Variants in PRKCA observed in about 807,000 individuals in gnomAD.
The protein encoded by PRKCA is protein kinase C alpha type.
A neutral mutation model predicts 87.0 loss-of-function variants in PRKCA; 27 were observed. The ratio of observed to expected loss-of-function variants is 0.31; its 90% CI spans 0.23 to 0.43. The LOEUF (loss-of-function observed/expected upper bound fraction) is 0.43. PRKCA is among the 20% of genes least tolerant of loss of function. The pLI is 1.00. For missense variants in PRKCA, 518 were observed against 852.3 expected, an observed-to-expected ratio of 0.61 and a Z score of 4.88; for synonymous variants, 329 against 311.1, an observed-to-expected ratio of 1.06 and a Z score of -0.61.
intron 3 of PRKCA, among the ~76,000 whole-genome samples, chr17:66,568,394 C>G (rs1011755858): frequency 1.3e-5 from 2 of 152,150 alleles, no homozygotes; most frequent in Admixed American, 1.3e-4. Flanking sequence ...TTTCCACCAG[C>G]TTGTTCTGGG....
intron 2 of PRKCA, among the ~76,000 whole-genome samples, chr17:66,458,474 C>G (rs1914678859): frequency 8.6e-6 from 1 of 116,758 alleles, no homozygotes; most frequent in South Asian, 2.9e-4. Context: ...TCTTTTTTAT[C>G]TCTTTATTTT....
At chr17:66,577,825 GAGGA>G (rs1969287519) in intron 3 of PRKCA, among the ~76,000 whole-genome samples, 1 of 152,138 alleles carries the variant, frequency 6.6e-6, no homozygotes. Context: ...ACACTGGAGT[GAGGA>G]CGGGGTAGTG....
intron 16 of PRKCA, chr17:66,796,963 A>G (rs1272628524): frequency 2.0e-6 from 2 of 985,166 alleles, no homozygotes; most frequent in Non-Finnish European, 2.4e-6. Context: ...TTTGTTCTGC[A>G]TCTTTCCTCT....
intron 3 of PRKCA, among the ~76,000 whole-genome samples, chr17:66,592,777 CG>C (rs1290339831): frequency 6.6e-6 from 1 of 151,598 alleles, no homozygotes. Flanking sequence ...CAAAAAACAT[CG>C]ATTCATTTTT....
intron 2 of PRKCA, among the ~76,000 whole-genome samples, chr17:66,357,487 A>G (rs1020395060): frequency 9.8e-5 from 15 of 152,322 alleles, no homozygotes; most frequent in South Asian, 4.1e-4. Flanking sequence ...CGAATGCATT[A>G]TGATCATTAT....
chr17:66,495,707 T>G, intron 2 of PRKCA, among the ~76,000 whole-genome samples: 1 of 151,558 alleles, frequency 6.6e-6, no homozygotes, highest in South Asian at 2.1e-4. Flanking sequence ...CGCCCATCAC[T>G]ATGGCCAGCT....
chr17:66,380,841 C>G (rs955310990), intron 2 of PRKCA, among the ~76,000 whole-genome samples: 1 of 151,918 alleles, frequency 6.6e-6, no homozygotes, highest in Non-Finnish European at 1.5e-5. Context: ...TGTGAATGCA[C>G]CCAAAATAAA....
intron 5 of PRKCA, among the ~76,000 whole-genome samples, chr17:66,664,352 C>T (rs950676189): frequency 1.3e-5 from 2 of 152,182 alleles, no homozygotes; most frequent in Non-Finnish European, 2.9e-5. Flanking sequence ...CCAGGAGCTG[C>T]GTCCCAAGGC....
chr17:66,380,465 C>T (rs1418325723), intron 2 of PRKCA, among the ~76,000 whole-genome samples: 1 of 152,134 alleles, frequency 6.6e-6, no homozygotes, highest in Admixed American at 6.5e-5. Flanking sequence ...AAACCTGCCA[C>T]TTAGTAAATG....
At chr17:66,431,269 A>T (rs1294912936) in intron 2 of PRKCA, among the ~76,000 whole-genome samples, 1 of 152,166 alleles carries the variant, frequency 6.6e-6, no homozygotes, top group African/African-American at 2.4e-5. Flanking sequence ...TACGTGCTTT[A>T]TGTTGCGCAA....
At chr17:66,736,980 A>G (rs1028758311) in intron 10 of PRKCA, among the ~76,000 whole-genome samples, 2 of 152,156 alleles carry the variant, frequency 1.3e-5, no homozygotes, top group Admixed American at 6.5e-5. Flanking sequence ...CTCTGTCGTA[A>G]AGTAAAACTA....
At chr17:66,707,262 G>A (rs553242972) in intron 8 of PRKCA, among the ~76,000 whole-genome samples, 6 of 152,232 alleles carry the variant, frequency 3.9e-5, no homozygotes, top group South Asian at 2.1e-4. Context: ...CTTGACTTAT[G>A]CAGTCTAAAG....
chr17:66,754,860 G>A (rs748403281), intron 13 of PRKCA, among the ~76,000 whole-genome samples: 2 of 151,922 alleles, frequency 1.3e-5, no homozygotes, highest in African/African-American at 2.4e-5. Context: ...TGCTAAGGAC[G>A]GAATTGCACC....
chr17:66,515,231 C>T (rs555268617), intron 3 of PRKCA, among the ~76,000 whole-genome samples: 4 of 145,382 alleles, frequency 2.8e-5, no homozygotes, highest in South Asian at 2.2e-4. Context: ...AAGATTGCGC[C>T]GCTGCACTCC....
chr17:66,480,733 A>T (rs1335072269), intron 2 of PRKCA, among the ~76,000 whole-genome samples: 1 of 152,080 alleles, frequency 6.6e-6, no homozygotes, highest in Non-Finnish European at 1.5e-5. Flanking sequence ...AACATTAAAT[A>T]TGAAATGCTT....
chr17:66,368,364 GTA>G (rs765889045), intron 2 of PRKCA, among the ~76,000 whole-genome samples: 1,726 of 44,448 alleles, frequency 0.039, 157 homozygotes, highest in Middle Eastern at 0.11. Context: ...GTGTGTATAT[GTA>G]TATATATATA....
rs544499411 is a variant in PRKCA, at chr17:66,380,390, A to G, written c.205+74263A>G. Among the ~76,000 whole-genome samples the G allele has an allele frequency of 6.6e-5, 10 of 152,292 alleles. No homozygotes were observed. In the South Asian group the frequency reaches 1.4e-3, roughly 22 times the overall value. ...TAATTCCCTTTTCAAAAATGAATAA[A>G]ATAATATTAGATACCTCATGGGGTT... On this transcript the variant is annotated intron_variant, in intron 2 of 16. Coordinates refer to ENST00000413366, the MANE Select transcript of PRKCA (RefSeq NM_002737.3).
intron 2 of PRKCA, among the ~76,000 whole-genome samples, chr17:66,452,357 A>G (rs750847448): frequency 1.3e-5 from 2 of 152,188 alleles, no homozygotes; most frequent in East Asian, 1.9e-4. Context: ...AGAACCTTCT[A>G]TGTGGTCCCT....
intron 2 of PRKCA, among the ~76,000 whole-genome samples, chr17:66,399,131 C>G (rs75528290): frequency 7.1e-6 from 1 of 140,588 alleles, no homozygotes; most frequent in Non-Finnish European, 1.5e-5. Context: ...CAGGGCCTTG[C>G]TCTGTCTTCC....
Sources: allele counts gnomAD v4.1 joint callset (sites outside exome capture counted in the v4.1 genomes callset), GRCh38; gene constraint gnomAD v4.1.1; transcripts MANE v1.5; gene names NCBI Gene and HGNC (gene_info 2026-07-23, HGNC 2026-07-21).